LRRC71: variants seen among roughly 807,000 people sequenced by gnomAD.
The protein encoded by LRRC71 is leucine rich repeat containing 71, also known as leucine-rich repeat-containing protein 71.
In LRRC71, 54 loss-of-function variants were observed where a neutral mutation model predicts 66.6. That is an observed-to-expected ratio of 0.81 (90% confidence interval 0.65 to 1.02). The LOEUF (loss-of-function observed/expected upper bound fraction) is 1.02, where lower values mean the gene tolerates loss of function less well. Among genes scored for constraint, LRRC71 ranks in the 50% least tolerant of loss-of-function variants. LRRC71 has a pLI of 0.00. For synonymous variants in LRRC71, 323 were observed against 303.9 expected (o/e 1.06, Z -0.65); for missense variants, 724 against 718.0 (o/e 1.01, Z -0.10).
intron 11 of LRRC71, among the ~76,000 whole-genome samples, chr1:156,930,240 G>T (rs189414767): frequency 6.6e-6 from 1 of 151,460 alleles, no homozygotes; most frequent in East Asian, 1.9e-4. Flanking sequence ...TTACAGGTGC[G>T]TGCCACCACG....
Position 156,923,957 on chromosome 1 carries a change from C to T in LRRC71, c.169C>T (p.Gln57Ter). ...EEEPKSPEEY[Q>*]CSGVLETDFA... ...CCTGCCTGCCCCCGCAGAGGAGTAC[C>T]AGTGCTCCGGGGTCCTCGAGACCGA... is the stretch of plus-strand genomic sequence containing the variant. The change falls in exon 2 of 15, where the codon CAG becomes TAG. Residue 57 changes from glutamine to a stop codon, truncating the protein, a stop_gained. Transcript: ENST00000337428. LOFTEE classifies it high-confidence loss of function. The T allele has an allele frequency of 6.6e-7, 1 of 1,516,188 alleles. No individual in the cohort carries two copies. Among genetic ancestry groups the T allele is most frequent in the Non-Finnish European group, 8.9e-7 (1 of 1,128,618 alleles). The allele number at this position is 1,516,188 out of a possible 1,614,324, so 93.9% of individuals were successfully genotyped here.
intron 1 of LRRC71, chr1:156,921,505 A>G: frequency 5.6e-6 from 2 of 355,458 alleles, no homozygotes; most frequent in Non-Finnish European, 7.9e-6. Context: ...CTTCGTCATC[A>G]CGGGGACAAG....
the LRRC71 span, chr1:156,938,662 T>C: frequency 3.2e-6 from 2 of 633,924 alleles, no homozygotes; most frequent in Non-Finnish European, 5.4e-6. Flanking sequence ...TCATACACGA[T>C]GACATCCCAG....
At chr1:156,938,598 C>G in the LRRC71 span, 1 of 1,345,386 alleles carries the variant, frequency 7.4e-7, no homozygotes, top group African/African-American at 1.4e-5. Context: ...GGAGAGAGGG[C>G]AGGAGGTGGG....
chr1:156,936,495 A>ATATATATATATATAT (rs1330599702), downstream of LRRC71, among the ~76,000 whole-genome samples: 2 of 57,098 alleles, frequency 3.5e-5, no homozygotes, highest in Non-Finnish European at 6.1e-5. Flanking sequence ...AAAAAAAAAA[A>ATATATATATATATAT]AAATATATAT....
Position 156,920,839 on chromosome 1 carries a change from C to A in LRRC71, c.36C>A (p.Pro12=). Residue 12 remains proline (P), a synonymous_variant, in exon 1 of 15, where the codon CCC becomes CCA. Coordinates refer to ENST00000337428, the MANE Select transcript of LRRC71 (RefSeq NM_144702.3). The surrounding 1 kb of genome is among the most constrained non-coding windows in gnomAD (Gnocchi z 4.9). ...AGCAGAGCGCGCCGGGGGCCTCACC[C>A]AGGGCCCCGCGTCCGGGGACCCAGA... ...SSEQSAPGAS[P]RAPRPGTQKS... 2.0e-6 allele frequency: 3 copies of A among 1,536,092 alleles called. No homozygotes were observed. Among genetic ancestry groups the A allele is most frequent in the Non-Finnish European group, 1.8e-6 (2 of 1,139,944 alleles).
At chr1:156,940,057 G>C in the LRRC71 span, 1 of 1,419,760 alleles carries the variant, frequency 7.0e-7, no homozygotes, top group Non-Finnish European at 9.4e-7. Flanking sequence ...GTGGGGGTTG[G>C]GTGGGGAATG....
intron 9 of LRRC71, among the ~76,000 whole-genome samples, chr1:156,928,366 T>TTCC (rs1653609348): frequency 2.8e-5 from 2 of 70,980 alleles, no homozygotes; most frequent in South Asian, 5.0e-4. Context: ...CTTCTTCCTC[T>TTCC]TCTTCTTCTT....
intron 14 of LRRC71, 106 bp from the exon 15 acceptor site, chr1:156,932,747 G>A: frequency 6.8e-7 from 1 of 1,479,574 alleles, no homozygotes. Flanking sequence ...TTTTCTGCAT[G>A]TCCCCCAGCC....
intron 1 of LRRC71, among the ~76,000 whole-genome samples, chr1:156,921,872 G>C (rs1486028419): frequency 6.6e-6 from 1 of 152,170 alleles, no homozygotes; most frequent in East Asian, 1.9e-4. Flanking sequence ...AGGGCAGTGA[G>C]AATGGTGAGG....
At position 156,932,019 on chromosome 1, in the gene LRRC71, A is replaced by T; in HGVS notation, c.1433A>T (p.Asn478Ile). The change falls in exon 13 of 15, where the codon AAC becomes ATC. Residue 478 changes from asparagine to isoleucine, a missense_variant. By Grantham distance (149) the Asn-to-Ile change is moderately radical. Coordinates refer to ENST00000337428, the MANE Select transcript of LRRC71 (RefSeq NM_144702.3). Reference protein sequence around the residue: ...MPGNKVLLHLNLIRNRITEVG... With the variant: ...MPGNKVLLHLILIRNRITEVG... ...GGGAACAAGGTCCTTTTGCACCTCA[A>T]CCTCATCCGTATGTCTGCCAACCTC... 1 of 1,590,282 alleles carries T rather than the reference A, an allele frequency of 6.3e-7. No homozygotes were observed. Among genetic ancestry groups the T allele is most frequent in the South Asian group, 1.1e-5 (1 of 87,026 alleles).
intron 13 of LRRC71, 184 bp downstream of exon 13, chr1:156,932,211 TGAG>T (rs949491673): frequency 9.0e-6 from 6 of 667,114 alleles, no homozygotes; most frequent in Middle Eastern, 4.1e-4. Context: ...GGGAGGAGGC[TGAG>T]GACAGGCGAT....
chr1:156,934,185 C>T (rs1053325992), downstream of LRRC71, among the ~76,000 whole-genome samples: 1 of 152,230 alleles, frequency 6.6e-6, no homozygotes, highest in Non-Finnish European at 1.5e-5. Context: ...CCCTTCATCA[C>T]TAATGACTCC....
At chr1:156,928,360 T>TTCCTCC (rs1189556821) in intron 9 of LRRC71, among the ~76,000 whole-genome samples, 5 of 141,304 alleles carry the variant, frequency 3.5e-5, no homozygotes, top group African/African-American at 1.3e-4. Context: ...TCTCTTCTTC[T>TTCCTCC]TCCTCTTCTT....
In LRRC71 at chr1:156,924,006, G is replaced by C. The variant is rs1652793305; in HGVS notation, c.218G>C (p.Trp73Ser). Reference protein sequence around the residue: ...ETDFAELCTRWGYTDFPKVVN... With the variant: ...ETDFAELCTRSGYTDFPKVVN... ...GACTTCGCCGAGCTCTGCACGCGGT[G>C]GGGCTACACGGACTTCCCCAAAGTT... The change falls in exon 2 of 15, where the codon TGG (tryptophan) becomes TCG (serine). Residue 73 changes from tryptophan to serine, a missense_variant. Coordinates refer to ENST00000337428, the MANE Select transcript of LRRC71 (RefSeq NM_144702.3). 1 of 1,547,372 alleles carries C rather than the reference G, an allele frequency of 6.5e-7. No homozygotes were observed. The highest frequency in any genetic ancestry group is 2.0e-5 in the Admixed American group (1 of 50,680).
intron 14 of LRRC71, 54 bp from the exon 15 acceptor site, chr1:156,932,795 TGCCA>T: frequency 1.5e-6 from 2 of 1,358,380 alleles, no homozygotes; most frequent in African/African-American, 1.5e-5. Flanking sequence ...TTTTTTTTTC[TGCCA>T]GAGGACTAAT....
Position 156,920,976 on chromosome 1 carries a change from CG to C in LRRC71, c.160+17del. 6.7e-7 allele frequency: 1 copy of C among 1,492,732 alleles called. No homozygotes were observed. The highest frequency in any genetic ancestry group is 1.4e-5 in the African/African-American group (1 of 70,398). The allele number at this position is 1,492,732 out of a possible 1,614,324, so 92.5% of individuals were successfully genotyped here. A position where few individuals can be genotyped will look rare whatever the true frequency, so the allele number is the denominator to read the frequency against. ...CCCAAAAGCCCTGGTACGCTGGCGC[CG>C]GGGTTTGGGGATCGGGCTTCCAGGC... On this transcript the variant is annotated intron_variant, in intron 1 of 14. Coordinates refer to ENST00000337428, the MANE Select transcript of LRRC71 (RefSeq NM_144702.3). This position sits in a 1 kb window ranked among gnomAD's most constrained non-coding sequence, Gnocchi z 4.9.
intron 1 of LRRC71, 74 bp from the exon 2 acceptor site, chr1:156,923,875 C>A: frequency 2.8e-6 from 4 of 1,403,768 alleles, no homozygotes; most frequent in Non-Finnish European, 3.7e-6. Context: ...AGGGCCCCTC[C>A]GCCCGCGCGG....
At chr1:156,939,078 AC>A in the LRRC71 span, 1 of 208,354 alleles carries the variant, frequency 4.8e-6, no homozygotes, top group Non-Finnish European at 9.5e-6. Flanking sequence ...TTTGTCCTCC[AC>A]CCCTTCCAGT....
Sources: gnomAD v4.1 joint callset for allele counts (sites outside exome capture counted in the v4.1 genomes callset) on GRCh38, gnomAD v4.1.1 for gene constraint, Gnocchi (gnomAD v3.1) non-coding constraint, MANE v1.5 for transcripts, NCBI Gene and HGNC (gene_info 2026-07-23, HGNC 2026-07-21) for gene names.